Variants in RAB38 observed in about 807,000 individuals in gnomAD.
RAB38 encodes RAB38, member RAS oncogene family, also known as ras-related protein Rab-38.
RAB38 carries 15 observed loss-of-function variants against 18.4 expected under a neutral mutation model. The observed-to-expected ratio is 0.82, with a 90% CI of 0.55 to 1.26. The LOEUF is 1.26. Ranked by LOEUF, RAB38 falls within the 50% of genes most tolerant of loss-of-function variation. RAB38 has a pLI of 0.00. For synonymous variants in RAB38, 101 were observed against 104.4 expected (o/e 0.97, Z 0.20); for missense variants, 294 against 267.4 (o/e 1.10, Z -0.69).
chr11:87,846,249 A>C, the RAB38 span, among the ~76,000 whole-genome samples: 1 of 152,074 alleles, frequency 6.6e-6, no homozygotes, highest in Non-Finnish European at 1.5e-5. Flanking sequence ...CAACTATACC[A>C]ATAATTACAT....
At chr11:88,069,349 C>G in the RAB38 span, among the ~76,000 whole-genome samples, 1 of 152,202 alleles carries the variant, frequency 6.6e-6, no homozygotes, top group Non-Finnish European at 1.5e-5. Context: ...TGGGCTCCCA[C>G]GTGGCCCAAG....
chr11:87,910,633 C>CTTTTTTTTTTTTT, the RAB38 span, among the ~76,000 whole-genome samples: 1 of 131,100 alleles, frequency 7.6e-6, no homozygotes, highest in African/African-American at 3.4e-5. Context: ...AGTTCATTTT[C>CTTTTTTTTTTTTT]TTTTTTTTTT....
the RAB38 span, among the ~76,000 whole-genome samples, chr11:88,063,300 C>T: frequency 6.6e-6 from 1 of 152,018 alleles, no homozygotes; most frequent in Non-Finnish European, 1.5e-5. Context: ...ATGCACATCC[C>T]CACACACAAA....
the RAB38 span, among the ~76,000 whole-genome samples, chr11:87,886,944 C>G: frequency 6.6e-6 from 1 of 151,602 alleles, no homozygotes; most frequent in Non-Finnish European, 1.5e-5. Flanking sequence ...AACAGAAAAC[C>G]ATTTTCATCA....
chr11:87,875,809 C>A, the RAB38 span, among the ~76,000 whole-genome samples: 1 of 151,372 alleles, frequency 6.6e-6, no homozygotes, highest in South Asian at 2.1e-4. Context: ...TGATTTTTTG[C>A]ATATTGACCT....
the RAB38 span, among the ~76,000 whole-genome samples, chr11:87,899,582 T>C: frequency 6.6e-6 from 1 of 151,712 alleles, no homozygotes; most frequent in East Asian, 2.0e-4. Flanking sequence ...AGAAAGTTTC[T>C]AGACAAAAAG....
the RAB38 span, among the ~76,000 whole-genome samples, chr11:87,889,653 A>C: frequency 6.6e-6 from 1 of 151,920 alleles, no homozygotes; most frequent in South Asian, 2.1e-4. Context: ...AGCACACAGA[A>C]GCCAAGTTAG....
chr11:87,925,430 G>A, the RAB38 span, among the ~76,000 whole-genome samples: 5 of 151,972 alleles, frequency 3.3e-5, no homozygotes, highest in East Asian at 3.9e-4. Flanking sequence ...GCACATCGAC[G>A]ATCATTTTAC....
chr11:87,862,193 T>A, the RAB38 span, among the ~76,000 whole-genome samples: 2 of 151,958 alleles, frequency 1.3e-5, no homozygotes, highest in Non-Finnish European at 2.9e-5. Context: ...ATTGTCTATA[T>A]ACAGACACAT....
the RAB38 span, among the ~76,000 whole-genome samples, chr11:87,972,757 T>C: frequency 6.6e-6 from 1 of 152,028 alleles, no homozygotes; most frequent in Admixed American, 6.6e-5. Context: ...AAAATAAATA[T>C]ATTTTTTAAA....
the RAB38 span, among the ~76,000 whole-genome samples, chr11:87,902,610 T>C: frequency 6.6e-6 from 1 of 151,430 alleles, no homozygotes; most frequent in East Asian, 1.9e-4. Flanking sequence ...AGAAGTCACT[T>C]ATCAACAATA....
At chr11:88,022,795 A>G in the RAB38 span, among the ~76,000 whole-genome samples, 1 of 152,024 alleles carries the variant, frequency 6.6e-6, no homozygotes, top group Admixed American at 6.6e-5. Context: ...TCTATAGTTG[A>G]TGGGCATTTA....
At chr11:87,915,557 A>C in the RAB38 span, among the ~76,000 whole-genome samples, 2 of 152,122 alleles carry the variant, frequency 1.3e-5, no homozygotes, top group African/African-American at 4.8e-5. Context: ...ATATGGTCTA[A>C]AAAGGGGAGG....
chr11:87,875,878 T>C, the RAB38 span, among the ~76,000 whole-genome samples: 4 of 151,672 alleles, frequency 2.6e-5, no homozygotes, highest in African/African-American at 9.7e-5. Flanking sequence ...TGGATTCTTT[T>C]AGATGTTCTA....
At chr11:87,904,755 A>G in the RAB38 span, among the ~76,000 whole-genome samples, 1 of 151,414 alleles carries the variant, frequency 6.6e-6, no homozygotes, top group Non-Finnish European at 1.5e-5. Flanking sequence ...TGTTTTTTTG[A>G]CTTTTTAATA....
the RAB38 span, among the ~76,000 whole-genome samples, chr11:88,006,791 C>T: frequency 6.6e-6 from 1 of 151,166 alleles, no homozygotes; most frequent in African/African-American, 2.4e-5. Context: ...TATGTGGAAT[C>T]TAAGAAGTTG....
At chr11:87,861,954 C>T in the RAB38 span, among the ~76,000 whole-genome samples, 2 of 151,816 alleles carry the variant, frequency 1.3e-5, no homozygotes, top group East Asian at 1.9e-4. Flanking sequence ...AAATCAAAAC[C>T]ACAGTGAGAT....
At chr11:87,925,131 T>C in the RAB38 span, among the ~76,000 whole-genome samples, 70 of 152,182 alleles carry the variant, frequency 4.6e-4, no homozygotes, top group South Asian at 0.012. Context: ...ACAAGGGTTA[T>C]AGTTCCTGCC....
chr11:87,928,479 T>C, the RAB38 span, among the ~76,000 whole-genome samples: 1 of 152,066 alleles, frequency 6.6e-6, no homozygotes, highest in Non-Finnish European at 1.5e-5. Context: ...CTATTAAAGA[T>C]ATCTTAAAAT....
Sources: gnomAD v4.1 joint callset for allele counts (sites outside exome capture counted in the v4.1 genomes callset) on GRCh38, gnomAD v4.1.1 for gene constraint, MANE v1.5 for transcripts, NCBI Gene and HGNC (gene_info 2026-07-23, HGNC 2026-07-21) for gene names.